PRMT8: variants seen among roughly 807,000 people sequenced by gnomAD.
The protein encoded by PRMT8 is protein arginine N-methyltransferase 8.
In PRMT8, 7 loss-of-function variants were observed where a neutral mutation model predicts 47.1. That is an observed-to-expected ratio of 0.15 (90% confidence interval 0.08 to 0.28). PRMT8 has a LOEUF of 0.28. PRMT8 is among the 10% of genes least tolerant of loss of function. PRMT8 has a pLI of 1.00. For missense variants in PRMT8, 237 were observed against 505.4 expected (o/e 0.47, Z 5.09); for synonymous variants, 188 against 186.5 (o/e 1.01, Z -0.07).
At chr12:3,465,634 G>A (rs2046345419) in intron 1 of PRMT8, among the ~76,000 whole-genome samples, 2 of 152,178 alleles carry the variant, frequency 1.3e-5, no homozygotes, top group Admixed American at 6.5e-5. Flanking sequence ...GAGTCATTGA[G>A]GCTTATTGAA....
upstream of PRMT8, among the ~76,000 whole-genome samples, chr12:3,490,487 G>A (rs1300540742): frequency 2.0e-5 from 3 of 146,374 alleles, no homozygotes; most frequent in African/African-American, 7.6e-5. Flanking sequence ...GATGGTGGGG[G>A]AAGGGTGAGG....
chr12:3,415,880 C>T (rs73039273), intron 1 of PRMT8, among the ~76,000 whole-genome samples: 2,439 of 152,292 alleles, frequency 0.016, 22 homozygotes, highest in Non-Finnish European at 0.026. Flanking sequence ...GTGCTCTTTC[C>T]GGAGGAGCTT....
chr12:3,522,694 C>A (rs1865898228), intron 1 of PRMT8, among the ~76,000 whole-genome samples: 1 of 150,174 alleles, frequency 6.7e-6, no homozygotes, highest in South Asian at 2.1e-4. Context: ...CTGGGAAGGT[C>A]CCCATCAGGT....
At chr12:3,544,708 C>T (rs1866297719) in intron 2 of PRMT8, among the ~76,000 whole-genome samples, 1 of 152,174 alleles carries the variant, frequency 6.6e-6, no homozygotes, top group South Asian at 2.1e-4. Flanking sequence ...AGGATGTCGT[C>T]ATGGTGTTCC....
At position 3,453,773 on chromosome 12, in the gene PRMT8, A is replaced by G. The variant is rs907989604; in HGVS notation, c.48+72331A>G. ...GTGTCCTGACGTGGCCCGACTGTGGACCCCCTTGTCCTCCTGCCCGCTGTG... is the reference window on the plus strand; with the variant it reads ...GTGTCCTGACGTGGCCCGACTGTGGGCCCCCTTGTCCTCCTGCCCGCTGTG... On this transcript the variant is annotated intron_variant, in intron 1 of 9. Transcript: ENST00000452611. The surrounding 1 kb of genome is among the most constrained non-coding windows in gnomAD (Gnocchi z 4.9). Among the ~76,000 whole-genome samples, 5 of 151,444 alleles carry G rather than the reference A, an allele frequency of 3.3e-5. No individual in the cohort carries two copies. The highest frequency in any genetic ancestry group is 5.9e-5 in the Non-Finnish European group (4 of 67,858).
rs200895026 is a variant in PRMT8 at position 3,545,809 on chromosome 12, C to CA, written c.262-4119dup. On this transcript the variant is annotated intron_variant, in intron 2 of 9. Coordinates refer to ENST00000382622, the MANE Select transcript of PRMT8 (RefSeq NM_019854.5). ...CTTGGTAAGTGATCACACAAATGCA[C>CA]AAAAAAAATCGGTAAGAATGTAGAA... is the stretch of plus-strand genomic sequence containing the variant. 8.1e-3 allele frequency among the ~76,000 whole-genome samples: 1,226 copies of CA among 151,784 alleles called. 9 individuals are homozygous for CA. Among genetic ancestry groups the CA allele is most frequent in the Middle Eastern group, 0.034 (10 of 294 alleles).
rs374403447 is a variant in PRMT8, at chr12:3,491,589, C to T, written c.-37C>T. On this transcript the variant is annotated 5_prime_UTR_variant, in exon 1 of 10. Coordinates refer to ENST00000382622, the MANE Select transcript of PRMT8 (RefSeq NM_019854.5). Reference sequence around the variant, plus strand: ...AGCGACACCAGCTCTCTCTCCTCCTCTACTATCTCGGTATCACCAAACCCT... The same window carrying T: ...AGCGACACCAGCTCTCTCTCCTCCTTTACTATCTCGGTATCACCAAACCCT... The T allele has an allele frequency of 6.9e-6, 11 of 1,605,822 alleles. No individual in the cohort carries two copies. The highest frequency in any genetic ancestry group is 2.2e-5 in the East Asian group (1 of 44,756).
At chr12:3,430,205 A>G (rs1864659483) in intron 1 of PRMT8, among the ~76,000 whole-genome samples, 1 of 152,242 alleles carries the variant, frequency 6.6e-6, no homozygotes, top group Non-Finnish European at 1.5e-5. Flanking sequence ...ACCAGTAATC[A>G]GAACTGAACA....
At chr12:3,525,533 A>G (rs1006692178) in intron 1 of PRMT8, among the ~76,000 whole-genome samples, 11 of 152,194 alleles carry the variant, frequency 7.2e-5, no homozygotes, top group Non-Finnish European at 1.2e-4. Flanking sequence ...GGACCCACAG[A>G]TATTCCTTGG....
At chr12:3,526,302 G>A (rs2137147727) in intron 1 of PRMT8, among the ~76,000 whole-genome samples, 1 of 152,256 alleles carries the variant, frequency 6.6e-6, no homozygotes, top group South Asian at 2.1e-4. Context: ...TTTAGCTATT[G>A]TGAGAAATGC....
At chr12:3,553,196 A>C (rs528058430) in intron 3 of PRMT8, 3 of 209,712 alleles carry the variant, frequency 1.4e-5, no homozygotes, top group African/African-American at 6.9e-5. Context: ...GGCTTTTTCC[A>C]GATGGTCCCA....
intron 4 of PRMT8, among the ~76,000 whole-genome samples, chr12:3,560,586 G>T (rs1243738756): frequency 6.6e-6 from 1 of 152,186 alleles, no homozygotes. Context: ...TGACATAGGA[G>T]CTCAGAGGTT....
At chr12:3,575,429 C>T (rs1044233987) in intron 6 of PRMT8, among the ~76,000 whole-genome samples, 3 of 152,186 alleles carry the variant, frequency 2.0e-5, no homozygotes, top group African/African-American at 4.8e-5. Context: ...TTCAGGTGCC[C>T]GGAAACTAAA....
intron 2 of PRMT8, among the ~76,000 whole-genome samples, chr12:3,541,953 G>A (rs114890643): frequency 0.01 from 1,576 of 152,302 alleles, 21 homozygotes; most frequent in African/African-American, 0.036. Context: ...GTGTGCGTGT[G>A]TGAAAGGCCA....
chr12:3,461,543 T>C (rs916575929), intron 1 of PRMT8, among the ~76,000 whole-genome samples: 4 of 152,230 alleles, frequency 2.6e-5, no homozygotes, highest in African/African-American at 9.6e-5. Flanking sequence ...GCCACTTGTC[T>C]GCCCCAGCGG....
chr12:3,422,418 T>C (rs1232623610), intron 1 of PRMT8, among the ~76,000 whole-genome samples: 3 of 152,188 alleles, frequency 2.0e-5, no homozygotes, highest in Non-Finnish European at 2.9e-5. Context: ...GACACCAAGT[T>C]GTAGAAGGAA....
chr12:3,409,694 G>C lies in PRMT8; in HGVS notation c.48+28252G>C, dbSNP rs564708785. ...TCCTGGGATGTGGGATGCCACATCAGCTCAGCCCTGGAAGATGCAGCTGCT... is the reference window on the plus strand; with the variant it reads ...TCCTGGGATGTGGGATGCCACATCACCTCAGCCCTGGAAGATGCAGCTGCT... On this transcript the variant is annotated intron_variant, in intron 1 of 9. Transcript: ENST00000452611. The surrounding 1 kb of genome is among the most constrained non-coding windows in gnomAD (Gnocchi z 4.4). 5.9e-5 allele frequency among the ~76,000 whole-genome samples: 9 copies of C among 152,268 alleles called. No individual in the cohort carries two copies. The highest frequency in any genetic ancestry group is 1.3e-4 in the Non-Finnish European group (9 of 68,020).
chr12:3,472,830 G>C (rs371982545), intron 1 of PRMT8, among the ~76,000 whole-genome samples: 1 of 152,270 alleles, frequency 6.6e-6, no homozygotes, highest in East Asian at 1.9e-4. Flanking sequence ...TAGGGAGGCT[G>C]TGGAGCCACG....
In PRMT8 at chr12:3,535,302, C is replaced by G. The variant is rs916069415; in HGVS notation, c.76-5304C>G. On this transcript the variant is annotated intron_variant, in intron 1 of 9. Transcript: ENST00000382622. The surrounding 1 kb of genome is among the most constrained non-coding windows in gnomAD (Gnocchi z 4.7). ...AGTAGAGTGGGTAGACTAAGACAATCGCACTTTATTTATTAGGGAGAAAAA... is the reference window on the plus strand; with the variant it reads ...AGTAGAGTGGGTAGACTAAGACAATGGCACTTTATTTATTAGGGAGAAAAA... 2.6e-5 allele frequency among the ~76,000 whole-genome samples: 4 copies of G among 152,322 alleles called. No individual in the cohort carries two copies. Among genetic ancestry groups the G allele is most frequent in the South Asian group, 4.1e-4 (2 of 4,826 alleles).
Sources: gnomAD v4.1 joint callset for allele counts (sites outside exome capture counted in the v4.1 genomes callset) on GRCh38, gnomAD v4.1.1 for gene constraint, Gnocchi (gnomAD v3.1) non-coding constraint, MANE v1.5 for transcripts, NCBI Gene and HGNC (gene_info 2026-07-23, HGNC 2026-07-21) for gene names.